The following SNX2 variants were observed in gnomAD, a reference collection of about 807,000 sequenced individuals.
SNX2 encodes the protein sorting nexin 2.
SNX2 carries 25 observed loss-of-function variants against 69.9 expected under a neutral mutation model. That is an observed-to-expected ratio of 0.36 (90% CI 0.26 to 0.50). The LOEUF (loss-of-function observed/expected upper bound fraction) is 0.50. Ranked by LOEUF, SNX2 falls within the 20% of genes least tolerant of loss-of-function variation. The pLI is 0.97. For missense variants in SNX2, 551 were observed against 613.3 expected, an observed-to-expected ratio of 0.90 and a Z score of 1.07; for synonymous variants, 229 against 200.4, an observed-to-expected ratio of 1.14 and a Z score of -1.20.
rs571538724 is a variant in SNX2 at position 122,791,708 on chromosome 5, C to T, written c.109-3558C>T. ...CTGGGATTACAGGCGTAAGCCACCG[C>T]GCCTGGCCCTCAATTTTTATAGTAA... On this transcript the variant is annotated intron_variant, in intron 1 of 14. Transcript: ENST00000379516. 1.8e-4 allele frequency among the ~76,000 whole-genome samples: 27 copies of T among 152,354 alleles called. 1 individual carries two copies. The highest frequency in any genetic ancestry group is 1.5e-3 in the East Asian group (8 of 5,188).
intron 1 of SNX2, among the ~76,000 whole-genome samples, chr5:122,794,004 T>A (rs1753311706): frequency 6.6e-6 from 1 of 151,846 alleles, no homozygotes; most frequent in Admixed American, 6.6e-5. Context: ...TTTCATTGTG[T>A]TACTCATTAT....
chr5:122,780,641 C>T (rs1279665863), intron 1 of SNX2, among the ~76,000 whole-genome samples: 1 of 150,160 alleles, frequency 6.7e-6, no homozygotes. Context: ...GCAACCTCAG[C>T]TCACTGCAGC....
intron 1 of SNX2, among the ~76,000 whole-genome samples, chr5:122,783,371 C>T (rs1026920854): frequency 4.6e-5 from 7 of 152,080 alleles, no homozygotes; most frequent in African/African-American, 1.7e-4. Flanking sequence ...ATATGAAATC[C>T]TTTGCTAACT....
intron 7 of SNX2, among the ~76,000 whole-genome samples, chr5:122,813,828 C>T (rs2150013218): frequency 7.3e-6 from 1 of 136,620 alleles, no homozygotes. Flanking sequence ...GGCTAGAGTG[C>T]AATGGTGCAA....
chr5:122,826,157 A>G lies in SNX2; in HGVS notation c.1320A>G (p.Pro440=). ...AEAKMMVANK[P]DKIQQAKNEI... ...CAAAAATGATGGTTGCTAACAAACC[A>G]GATAAAATACAGCAAGCTAAAAATG... The change falls in exon 12 of 15, where the codon CCA becomes CCG. Residue 440 remains proline (P), a synonymous_variant. Coordinates refer to ENST00000379516, the MANE Select transcript of SNX2 (RefSeq NM_003100.4). 6.2e-7 allele frequency: 1 copy of G among 1,613,056 alleles called. No individual in the cohort carries two copies. The highest frequency in any genetic ancestry group is 8.5e-7 in the Non-Finnish European group (1 of 1,179,290).
chr5:122,775,203 A>T lies in SNX2; in HGVS notation c.100A>T (p.Thr34Ser). Residue 34 changes from threonine (T) to serine (S), a missense_variant, in exon 1 of 15, where the codon ACC becomes TCC. Transcript: ENST00000379516. ...GGACCTGTTCACCAGCACTGTCTCC[A>T]CCCTAGAGGTGAGACCGCGTCGCTG... Reference protein sequence around the residue: ...GEDLFTSTVSTLESSPSSPEP... With the variant: ...GEDLFTSTVSSLESSPSSPEP... 6.4e-7 allele frequency: 1 copy of T among 1,571,778 alleles called. No homozygotes were observed. The highest frequency in any genetic ancestry group is 1.9e-5 in the Admixed American group (1 of 52,452).
chr5:122,781,486 G>A (rs144594367), intron 1 of SNX2, among the ~76,000 whole-genome samples: 7 of 152,266 alleles, frequency 4.6e-5, no homozygotes, highest in Non-Finnish European at 1.0e-4. Context: ...ACAGGCTTTT[G>A]TGTGAGCATG....
intron 1 of SNX2, among the ~76,000 whole-genome samples, chr5:122,789,541 G>A (rs921148555): frequency 6.6e-6 from 1 of 151,658 alleles, no homozygotes; most frequent in Admixed American, 6.6e-5. Context: ...TTCTTTTGGC[G>A]TTTTATCTAC....
chr5:122,821,561 TCTC>T (rs1184405571), intron 11 of SNX2, among the ~76,000 whole-genome samples: 1 of 152,038 alleles, frequency 6.6e-6, no homozygotes, highest in Non-Finnish European at 1.5e-5. Flanking sequence ...TTCATGCCAT[TCTC>T]CTGCCTCAGC....
intron 5 of SNX2, 77 bp from the exon 6 acceptor site, chr5:122,803,395 C>T: frequency 7.1e-7 from 1 of 1,402,678 alleles, no homozygotes; most frequent in Non-Finnish European, 9.7e-7. Flanking sequence ...TGTATGTGTT[C>T]ACAATTATGT....
At chr5:122,802,385 A>C (rs910024718) in intron 5 of SNX2, among the ~76,000 whole-genome samples, 1 of 152,140 alleles carries the variant, frequency 6.6e-6, no homozygotes, top group Non-Finnish European at 1.5e-5. Context: ...GAGGGGGGGA[A>C]GAAGAAGAAT....
At chr5:122,807,866 T>C (rs775886662) in intron 6 of SNX2, among the ~76,000 whole-genome samples, 4 of 152,170 alleles carry the variant, frequency 2.6e-5, no homozygotes, top group Non-Finnish European at 4.4e-5. Context: ...TAAAGAATTT[T>C]AATTATTGCT....
At chr5:122,819,810 T>C (rs1753974483) in intron 11 of SNX2, among the ~76,000 whole-genome samples, 1 of 152,204 alleles carries the variant, frequency 6.6e-6, no homozygotes, top group South Asian at 2.1e-4. Context: ...TTCTTTCTTA[T>C]GCAAAATTTT....
chr5:122,801,988 T>G, intron 4 of SNX2, 53 bp downstream of exon 4: 1 of 1,531,792 alleles, frequency 6.5e-7, no homozygotes, highest in Non-Finnish European at 9.0e-7. Context: ...TTTGTTGGTT[T>G]TGTATGGTTT....
Position 122,801,857 on chromosome 5 carries a change from T to C in SNX2, c.391-12T>C. 1.3e-6 allele frequency: 2 copies of C among 1,496,518 alleles called. No individual in the cohort carries two copies. The highest frequency in any genetic ancestry group is 1.8e-6 in the Non-Finnish European group (2 of 1,089,824). The allele number at this position is 1,496,518 out of a possible 1,614,324, so 92.7% of individuals were successfully genotyped here. A position where few individuals can be genotyped will look rare whatever the true frequency, so the allele number is the denominator to read the frequency against. On this transcript the variant is annotated splice_polypyrimidine_tract_variant and intron_variant, in intron 3 of 14. Transcript: ENST00000379516. ...TAATTTTTAATGCCAAAAAATAATT[T>C]ATACTTTCTAGATTGAAGAAGAAGC... is the stretch of plus-strand genomic sequence containing the variant.
chr5:122,826,813 A>G (rs935010413), intron 12 of SNX2, among the ~76,000 whole-genome samples: 7 of 151,964 alleles, frequency 4.6e-5, no homozygotes, highest in Non-Finnish European at 1.0e-4. Flanking sequence ...TTGTTTCTGT[A>G]CTGAATTTAA....
At chr5:122,806,142 G>GCACGCACACACACACA (rs1554063175) in intron 6 of SNX2, among the ~76,000 whole-genome samples, 10 of 130,656 alleles carry the variant, frequency 7.7e-5, no homozygotes, top group African/African-American at 2.0e-4. Context: ...ACACGCGCGC[G>GCACGCACACACACACA]CACACACACA....
intron 6 of SNX2, among the ~76,000 whole-genome samples, chr5:122,804,274 T>C (rs1298197612): frequency 6.6e-6 from 1 of 152,138 alleles, no homozygotes; most frequent in Admixed American, 6.5e-5. Context: ...ATGGAGGTGT[T>C]AGACCCTCAC....
chr5:122,798,994 G>A, intron 2 of SNX2, among the ~76,000 whole-genome samples: 1 of 152,206 alleles, frequency 6.6e-6, no homozygotes, highest in South Asian at 2.1e-4. Context: ...AACTCTCTGA[G>A]GGCAGGTATG....
Sources: allele counts gnomAD v4.1 joint callset (sites outside exome capture counted in the v4.1 genomes callset), GRCh38; gene constraint gnomAD v4.1.1; transcripts MANE v1.5; gene names NCBI Gene and HGNC (gene_info 2026-07-23, HGNC 2026-07-21).